Variants in BCAS3 observed in about 807,000 individuals in gnomAD.
BCAS3 encodes the protein BCAS3 microtubule associated cell migration factor, also known as BCAS4/BCAS3 fusion.
Under a neutral mutation model 116.1 loss-of-function variants are expected in BCAS3, and 53 were observed. That is an observed-to-expected ratio of 0.46 (90% confidence interval 0.37 to 0.57). The LOEUF (loss-of-function observed/expected upper bound fraction) is 0.57, where lower values mean the gene tolerates loss of function less well. Among genes scored for constraint, BCAS3 ranks in the 20% least tolerant of loss-of-function variants. The pLI, the probability that BCAS3 is intolerant of heterozygous loss-of-function variation, is 0.00. For missense variants in BCAS3, 917 were observed against 1,165.4 expected (o/e 0.79, Z 3.10); for synonymous variants, 391 against 408.2 (o/e 0.96, Z 0.51).
chr17:60,868,474 T>G, intron 7 of BCAS3, 102 bp from the exon 8 acceptor site: 1 of 572,764 alleles, frequency 1.7e-6, no homozygotes. Flanking sequence ...ACTAATATCT[T>G]GTTAATCAGA....
chr17:61,003,532 A>G (rs7221242), intron 15 of BCAS3, among the ~76,000 whole-genome samples: 4,492 of 151,776 alleles, frequency 0.03, 228 homozygotes, highest in African/African-American at 0.1. Context: ...GTCTCAAGCA[A>G]TCTGCCTGCC....
intron 22 of BCAS3, among the ~76,000 whole-genome samples, chr17:61,242,982 G>T (rs2047650541): frequency 6.6e-6 from 1 of 151,784 alleles, no homozygotes; most frequent in Non-Finnish European, 1.5e-5. Context: ...TGCGATCTCG[G>T]CTCACTGCAA....
rs1016626837 is a variant in BCAS3, at chr17:60,993,732, A to T, written c.1486+3497A>T. 2.0e-5 allele frequency among the ~76,000 whole-genome samples: 3 copies of T among 152,148 alleles called. No individual in the cohort carries two copies. The highest frequency in any genetic ancestry group is 7.2e-5 in the African/African-American group (3 of 41,444). ...CAGGGAGGGATTCATCTTGAAAATG[A>T]ATCATGTTTTGGCGGTATTACCGTT... On this transcript the variant is annotated intron_variant, in intron 15 of 23. Transcript: ENST00000407086. This position sits in a 1 kb window ranked among gnomAD's most constrained non-coding sequence, Gnocchi z 4.2.
At chr17:61,002,411 G>A (rs1046367695) in intron 15 of BCAS3, 1 of 151,980 alleles carries the variant, frequency 6.6e-6, no homozygotes, top group African/African-American at 2.4e-5. Context: ...ATAAACTCCA[G>A]ATTTCAAAAT....
At chr17:60,934,304 C>G (rs1256250136) in intron 13 of BCAS3, among the ~76,000 whole-genome samples, 1 of 152,120 alleles carries the variant, frequency 6.6e-6, no homozygotes, top group Non-Finnish European at 1.5e-5. Context: ...AGCACTACCA[C>G]TTAATTGAAT....
At chr17:61,287,669 T>C (rs1355838330) in intron 22 of BCAS3, among the ~76,000 whole-genome samples, 2 of 152,048 alleles carry the variant, frequency 1.3e-5, no homozygotes, top group Non-Finnish European at 2.9e-5. Context: ...GCGGCTACAG[T>C]GAGCCAAGAT....
chr17:60,766,541 T>C (rs1479344116), intron 6 of BCAS3, among the ~76,000 whole-genome samples: 1 of 152,190 alleles, frequency 6.6e-6, no homozygotes, highest in African/African-American at 2.4e-5. Context: ...ACAGCAAATA[T>C]TGCTGCCTGA....
At position 61,336,366 on chromosome 17, in the gene BCAS3, G is replaced by A. The variant is rs56781614; in HGVS notation, c.2426-31961G>A. Among the ~76,000 whole-genome samples the A allele has an allele frequency of 7.9e-3, 1,210 of 152,264 alleles. 17 individuals carry two copies. Among genetic ancestry groups the A allele is most frequent in the African/African-American group, 0.028 (1,159 of 41,546 alleles). On this transcript the variant is annotated intron_variant, in intron 22 of 23. Coordinates refer to ENST00000407086, the MANE Select transcript of BCAS3 (RefSeq NM_017679.5). ...GCTTTTTGCACCTCTTCTGCCTTTA[G>A]TTCTTGGATATTAAATATCGGAACA...
chr17:60,717,033 G>A (rs933769121), intron 5 of BCAS3, among the ~76,000 whole-genome samples: 5 of 152,094 alleles, frequency 3.3e-5, no homozygotes, highest in African/African-American at 1.2e-4. Context: ...TAGATAGGGT[G>A]GTTGTTGTTG....
chr17:60,970,065 G>T (rs2061871760), intron 14 of BCAS3, among the ~76,000 whole-genome samples: 1 of 152,150 alleles, frequency 6.6e-6, no homozygotes, highest in Admixed American at 6.5e-5. Flanking sequence ...ATTTCTTGTT[G>T]AATAGAAAGG....
intron 22 of BCAS3, among the ~76,000 whole-genome samples, chr17:61,107,949 T>C (rs1337716809): frequency 1.3e-5 from 2 of 152,262 alleles, no homozygotes; most frequent in Admixed American, 1.3e-4. Context: ...CTATTTTCCA[T>C]ACTGTCTGTA....
intron 22 of BCAS3, among the ~76,000 whole-genome samples, chr17:61,322,274 C>G (rs149393323): frequency 1.3e-5 from 2 of 152,280 alleles, no homozygotes; most frequent in Non-Finnish European, 1.5e-5. Context: ...GCGTGAGTGA[C>G]CTCATGTGTA....
Position 60,709,605 on chromosome 17 carries a change from TCTCAAACTCCTGAC to T in BCAS3, c.321+285_321+298del, listed in dbSNP as rs564763322. On this transcript the variant is annotated intron_variant, in intron 5 of 23. Coordinates refer to ENST00000407086, the MANE Select transcript of BCAS3 (RefSeq NM_017679.5). ...GGTTTTGCCATGTTGGCCAGGCTGG[TCTCAAACTCCTGAC>T]CTCAGGTGATCCATCTGCCTCAGCC... 8 of 306,702 alleles carry T rather than the reference TCTCAAACTCCTGAC, an allele frequency of 2.6e-5. No homozygotes were observed. In the East Asian group the frequency reaches 8.9e-4, roughly 34 times the overall value. The allele number at this position is 306,702 out of a possible 1,614,324, so 19.0% of individuals were successfully genotyped here.
chr17:60,877,337 G>C (rs182146028), intron 9 of BCAS3, among the ~76,000 whole-genome samples: 1 of 152,044 alleles, frequency 6.6e-6, no homozygotes, highest in African/African-American at 2.4e-5. Context: ...TATCTCTCTC[G>C]TATCTGCAGT....
chr17:60,734,677 T>A (rs1176128207), intron 5 of BCAS3, among the ~76,000 whole-genome samples: 2 of 152,248 alleles, frequency 1.3e-5, no homozygotes, highest in Non-Finnish European at 2.9e-5. Context: ...TCTGTCCCAT[T>A]GATCTAATTA....
chr17:60,851,672 A>G (rs1174420709), intron 7 of BCAS3: 1 of 775,416 alleles, frequency 1.3e-6, no homozygotes, highest in Admixed American at 1.8e-5. Flanking sequence ...TTACCTGCAG[A>G]AAAGGGGGAA....
At chr17:61,060,293 AT>A (rs373600893) in intron 19 of BCAS3, among the ~76,000 whole-genome samples, 8 of 143,232 alleles carry the variant, frequency 5.6e-5, no homozygotes, top group South Asian at 2.2e-4. Context: ...CACCCGGCTA[AT>A]TTTTTTTTTT....
At chr17:60,728,670 G>A (rs781524518) in intron 5 of BCAS3, among the ~76,000 whole-genome samples, 1 of 151,902 alleles carries the variant, frequency 6.6e-6, no homozygotes, top group African/African-American at 2.4e-5. Flanking sequence ...AGTAGAGACG[G>A]GGTTTCACCA....
At chr17:60,809,936 T>C (rs1355944325) in intron 7 of BCAS3, among the ~76,000 whole-genome samples, 4 of 152,032 alleles carry the variant, frequency 2.6e-5, no homozygotes, top group Non-Finnish European at 5.9e-5. Flanking sequence ...ATAATAAAAC[T>C]GAACAGAGAA....
Sources: allele counts gnomAD v4.1 joint callset (sites outside exome capture counted in the v4.1 genomes callset), GRCh38; gene constraint gnomAD v4.1.1; non-coding constraint Gnocchi (gnomAD v3.1); transcripts MANE v1.5; gene names NCBI Gene and HGNC (gene_info 2026-07-23, HGNC 2026-07-21).